Variants in PHACTR1 observed in about 807,000 individuals in gnomAD.
PHACTR1 encodes phosphatase and actin regulator 1, also known as RPEL repeat containing 1.
PHACTR1 carries 16 observed loss-of-function variants against 69.2 expected under a neutral mutation model. The ratio of observed to expected loss-of-function variants is 0.23; its 90% CI spans 0.16 to 0.35. PHACTR1 has a LOEUF of 0.35. Among genes scored for constraint, PHACTR1 ranks in the 10% least tolerant of loss-of-function variants. PHACTR1 has a pLI of 1.00. For synonymous variants in PHACTR1, 312 were observed against 284.5 expected (o/e 1.10, Z -0.97); for missense variants, 510 against 734.7 (o/e 0.69, Z 3.54).
chr6:12,954,126 AG>A (rs1791603943), intron 4 of PHACTR1, among the ~76,000 whole-genome samples: 1 of 152,174 alleles, frequency 6.6e-6, no homozygotes, highest in South Asian at 2.1e-4. Context: ...AGAACATTCC[AG>A]GCAGACGAAA....
chr6:13,276,890 A>G (rs1779034084), intron 11 of PHACTR1, among the ~76,000 whole-genome samples: 1 of 152,248 alleles, frequency 6.6e-6, no homozygotes, highest in Non-Finnish European at 1.5e-5. Flanking sequence ...TAATGAAGTT[A>G]CCAAAATATA....
chr6:12,823,989 C>T (rs1450077541), intron 4 of PHACTR1, among the ~76,000 whole-genome samples: 1 of 152,104 alleles, frequency 6.6e-6, no homozygotes, highest in Non-Finnish European at 1.5e-5. Flanking sequence ...GGGACTGGTA[C>T]TGGTCTGTGA....
At chr6:13,111,255 A>T (rs1816992164) in intron 5 of PHACTR1, among the ~76,000 whole-genome samples, 1 of 152,192 alleles carries the variant, frequency 6.6e-6, no homozygotes, top group African/African-American at 2.4e-5. Context: ...TGCATGCCAC[A>T]GTGATCTCTT....
At chr6:13,241,049 A>G (rs758023083) in intron 10 of PHACTR1, among the ~76,000 whole-genome samples, 3 of 152,132 alleles carry the variant, frequency 2.0e-5, no homozygotes, top group Non-Finnish European at 4.4e-5. Flanking sequence ...AAAAATGTGT[A>G]GTTTGGTTGA....
intron 5 of PHACTR1, among the ~76,000 whole-genome samples, chr6:13,128,934 A>G (rs925301163): frequency 2.6e-5 from 4 of 152,220 alleles, no homozygotes; most frequent in African/African-American, 9.6e-5. Flanking sequence ...GGAAAAACCC[A>G]TCAGATTAAC....
chr6:12,726,625 G>A (rs1412187887), intron 3 of PHACTR1, among the ~76,000 whole-genome samples: 1 of 152,182 alleles, frequency 6.6e-6, no homozygotes, highest in Non-Finnish European at 1.5e-5. Flanking sequence ...GTCTTGCACA[G>A]TGGAAATCAG....
rs775363826 is a variant in PHACTR1 at position 13,025,673 on chromosome 6, G to GTGTGTGTA, written c.251-27685_251-27684insATGTGTGT. On this transcript the variant is annotated intron_variant, in intron 4 of 14. Coordinates refer to ENST00000332995, the MANE Select transcript of PHACTR1 (RefSeq NM_030948.6). ...TAACCAGATAAGTCATATATTATTTGTGTGTGTGTGTGTGTGTGTGTGTGT... is the reference window on the plus strand; with the variant it reads ...TAACCAGATAAGTCATATATTATTTGTGTGTGTATGTGTGTGTGTGTGTGTGTGTGTGT... Among the ~76,000 whole-genome samples, 763 of 135,124 alleles carry GTGTGTGTA rather than the reference G, an allele frequency of 5.6e-3. 9 individuals are homozygous for GTGTGTGTA. The highest frequency in any genetic ancestry group is 0.02 in the African/African-American group (730 of 36,064). 88.6% of individuals were successfully genotyped at this position (135,124 alleles called of 152,430 possible). A position where few individuals can be genotyped will look rare whatever the true frequency, so the allele number is the denominator to read the frequency against.
intron 10 of PHACTR1, chr6:13,267,553 G>C (rs935656555): frequency 6.6e-6 from 1 of 152,138 alleles, no homozygotes; most frequent in Non-Finnish European, 1.5e-5. Context: ...CATGGGCAGT[G>C]AAAGTCTAAG....
intron 4 of PHACTR1, among the ~76,000 whole-genome samples, chr6:12,776,461 G>C (rs1050591741): frequency 5.3e-5 from 8 of 152,160 alleles, no homozygotes; most frequent in Non-Finnish European, 1.2e-4. Flanking sequence ...TGTCCCTGGT[G>C]ATCTGAATGC....
At chr6:13,237,327 T>TG (rs1772144656) in intron 10 of PHACTR1, among the ~76,000 whole-genome samples, 3 of 152,106 alleles carry the variant, frequency 2.0e-5, no homozygotes, top group Non-Finnish European at 4.4e-5. Flanking sequence ...CAGTGAGCTA[T>TG]AATTGTGCCA....
intron 4 of PHACTR1, among the ~76,000 whole-genome samples, chr6:12,856,080 G>A (rs1439309211): frequency 2.0e-5 from 3 of 152,048 alleles, no homozygotes; most frequent in African/African-American, 7.2e-5. Flanking sequence ...TTTTAAGAGA[G>A]GCAAGCAGTG....
intron 4 of PHACTR1, among the ~76,000 whole-genome samples, chr6:12,968,689 A>G (rs1793787634): frequency 6.6e-6 from 1 of 152,154 alleles, no homozygotes; most frequent in South Asian, 2.1e-4. Context: ...ATTCTTGTTC[A>G]AGGGATATTG....
chr6:13,016,632 G>GTTT, intron 4 of PHACTR1, among the ~76,000 whole-genome samples: 1 of 142,360 alleles, frequency 7.0e-6, no homozygotes, highest in Admixed American at 7.1e-5. Context: ...TTACTCAAGA[G>GTTT]TTTTTTTTTT....
intron 5 of PHACTR1, among the ~76,000 whole-genome samples, chr6:13,119,932 A>C (rs1226335978): frequency 6.6e-6 from 1 of 152,144 alleles, no homozygotes; most frequent in Non-Finnish European, 1.5e-5. Context: ...GAAACATCCA[A>C]CTCAAACCCA....
intron 4 of PHACTR1, among the ~76,000 whole-genome samples, chr6:13,012,020 A>G (rs947383843): frequency 7.9e-5 from 12 of 152,344 alleles, no homozygotes; most frequent in African/African-American, 2.6e-4. Flanking sequence ...GTAGTCCAGC[A>G]AAAGGGGGGT....
chr6:12,934,492 C>T, intron 4 of PHACTR1, among the ~76,000 whole-genome samples: 1 of 152,116 alleles, frequency 6.6e-6, no homozygotes, highest in Non-Finnish European at 1.5e-5. Context: ...TGCATCATCT[C>T]TCCCAGGACT....
chr6:12,725,397 C>T (rs1369032857), intron 3 of PHACTR1, among the ~76,000 whole-genome samples: 1 of 152,120 alleles, frequency 6.6e-6, no homozygotes, highest in East Asian at 1.9e-4. Flanking sequence ...ACAGGGAGAC[C>T]CAGCCCCATT....
chr6:12,904,385 AT>A (rs1561996719), intron 4 of PHACTR1, among the ~76,000 whole-genome samples: 2 of 151,906 alleles, frequency 1.3e-5, no homozygotes, highest in Admixed American at 6.6e-5. Context: ...TACAAAAAAA[AT>A]AGCCAGGCGT....
intron 5 of PHACTR1, among the ~76,000 whole-genome samples, chr6:13,116,538 G>T (rs538415226): frequency 6.6e-6 from 1 of 152,192 alleles, no homozygotes; most frequent in African/African-American, 2.4e-5. Flanking sequence ...CTTTTAGGGA[G>T]GATGGAGGAA....
Sources: gnomAD v4.1 joint callset for allele counts (sites outside exome capture counted in the v4.1 genomes callset) on GRCh38, gnomAD v4.1.1 for gene constraint, MANE v1.5 for transcripts, NCBI Gene and HGNC (gene_info 2026-07-23, HGNC 2026-07-21) for gene names.